ZFPM2: variants seen among roughly 807,000 people sequenced by gnomAD.
The protein encoded by ZFPM2 is zinc finger protein ZFPM2.
A neutral mutation model predicts 98.6 loss-of-function variants in ZFPM2; 20 were observed. The ratio of observed to expected loss-of-function variants is 0.20; its 90% CI spans 0.14 to 0.29. The LOEUF (loss-of-function observed/expected upper bound fraction) is 0.29. Ranked by LOEUF, ZFPM2 falls within the 10% of genes least tolerant of loss-of-function variation. The pLI, the probability that ZFPM2 is intolerant of heterozygous loss-of-function variation, is 1.00. For synonymous variants in ZFPM2, 518 were observed against 502.7 expected (o/e 1.03, Z -0.41); for missense variants, 1,310 against 1,388.6 (o/e 0.94, Z 0.90).
intron 1 of ZFPM2, among the ~76,000 whole-genome samples, chr8:105,401,415 C>T (rs1419979461): frequency 1.3e-5 from 2 of 151,898 alleles, no homozygotes; most frequent in East Asian, 1.9e-4. Context: ...CTTTAAATTG[C>T]GTGTACTTGT....
chr8:105,557,502 T>C (rs895928980), intron 3 of ZFPM2, among the ~76,000 whole-genome samples: 6 of 152,180 alleles, frequency 3.9e-5, no homozygotes, highest in African/African-American at 1.4e-4. Flanking sequence ...TGTGCCTAAG[T>C]GAGATACCTG....
chr8:105,420,000 A>G (rs1811760113), intron 2 of ZFPM2, among the ~76,000 whole-genome samples: 1 of 152,006 alleles, frequency 6.6e-6, no homozygotes, highest in African/African-American at 2.4e-5. Context: ...TGATTCTTAT[A>G]TATTTATTTT....
chr8:105,520,529 G>A (rs1280009848), intron 3 of ZFPM2, among the ~76,000 whole-genome samples: 3 of 151,932 alleles, frequency 2.0e-5, no homozygotes, highest in African/African-American at 7.3e-5. Flanking sequence ...ACACATTGTG[G>A]GTACACGCTC....
chr8:105,395,468 A>T (rs889797425), intron 1 of ZFPM2, among the ~76,000 whole-genome samples: 1 of 152,136 alleles, frequency 6.6e-6, no homozygotes, highest in Non-Finnish European at 1.5e-5. Context: ...TCACAAAATA[A>T]TGTGGGTCCT....
At chr8:105,351,353 T>TTG (rs1472458011) in intron 1 of ZFPM2, among the ~76,000 whole-genome samples, 42 of 74,082 alleles carry the variant, frequency 5.7e-4, no homozygotes, top group African/African-American at 1.7e-3. Context: ...TTGCATTATT[T>TTG]CGTGTGTGTG....
chr8:105,455,337 G>C (rs144933049), intron 3 of ZFPM2, among the ~76,000 whole-genome samples: 191 of 152,200 alleles, frequency 1.3e-3, no homozygotes, highest in African/African-American at 4.1e-3. Flanking sequence ...TGGGAGGGGG[G>C]TTTGAGCAAA....
At chr8:105,644,354 C>T (rs1817001636) in intron 5 of ZFPM2, among the ~76,000 whole-genome samples, 1 of 150,740 alleles carries the variant, frequency 6.6e-6, no homozygotes, top group Admixed American at 6.6e-5. Context: ...CTCCTGGCCT[C>T]AGCTTCTCAA....
chr8:105,445,406 C>A (rs1206486463), intron 3 of ZFPM2, among the ~76,000 whole-genome samples: 2 of 151,724 alleles, frequency 1.3e-5, no homozygotes, highest in Non-Finnish European at 2.9e-5. Context: ...ATTTAAAGTA[C>A]CTTATTACCA....
At chr8:105,399,291 G>T (rs1811287067) in intron 1 of ZFPM2, among the ~76,000 whole-genome samples, 1 of 152,182 alleles carries the variant, frequency 6.6e-6, no homozygotes, top group Non-Finnish European at 1.5e-5. Flanking sequence ...ATGGGTTCCT[G>T]CAGATTAGAA....
chr8:105,532,272 G>A (rs1814312059), intron 3 of ZFPM2, among the ~76,000 whole-genome samples: 1 of 152,008 alleles, frequency 6.6e-6, no homozygotes, highest in African/African-American at 2.4e-5. Context: ...ATTTACAAAA[G>A]GAGTGCCTTA....
chr8:105,389,403 A>C (rs1811066226), intron 1 of ZFPM2, among the ~76,000 whole-genome samples: 1 of 152,156 alleles, frequency 6.6e-6, no homozygotes, highest in African/African-American at 2.4e-5. Context: ...CAGAGGGGGA[A>C]ATAGTGTCAC....
chr8:105,560,208 A>C (rs1260277215), intron 3 of ZFPM2, among the ~76,000 whole-genome samples: 1 of 148,502 alleles, frequency 6.7e-6, no homozygotes, highest in African/African-American at 2.5e-5. Context: ...ATAAGTACTG[A>C]ATATATTCTA....
Position 105,555,624 on chromosome 8 carries a change from A to G in ZFPM2, c.302-5739A>G, listed in dbSNP as rs187171689. On this transcript the variant is annotated intron_variant, in intron 3 of 7. Transcript: ENST00000407775. ...TTATTAAAGAAATTTGTAGATTAAAATGTTTATGTTTCTGTTGAGGTGAAC... is the reference window on the plus strand; with the variant it reads ...TTATTAAAGAAATTTGTAGATTAAAGTGTTTATGTTTCTGTTGAGGTGAAC... Among the ~76,000 whole-genome samples, 635 of 152,314 alleles carry G rather than the reference A, an allele frequency of 4.2e-3. 4 individuals are homozygous for G. Among genetic ancestry groups the G allele is most frequent in the Non-Finnish European group, 6.0e-3 (406 of 68,022 alleles).
At chr8:105,616,652 C>A in intron 4 of ZFPM2, 1 of 364,702 alleles carries the variant, frequency 2.7e-6, no homozygotes, top group Non-Finnish European at 5.4e-6. Flanking sequence ...GCAACAGGTT[C>A]ATATGGTATA....
At chr8:105,585,553 G>C (rs1057144196) in intron 4 of ZFPM2, among the ~76,000 whole-genome samples, 1 of 152,142 alleles carries the variant, frequency 6.6e-6, no homozygotes, top group African/African-American at 2.4e-5. Flanking sequence ...CTAAAGAAGT[G>C]CCAGACACAA....
intron 5 of ZFPM2, among the ~76,000 whole-genome samples, chr8:105,653,854 C>CTTTTTTTTTGTTTTTTTTTTTTT (rs1817230702): frequency 2.8e-5 from 1 of 35,262 alleles, no homozygotes. Context: ...TGTGTGCTAT[C>CTTTTTTTTTGTTTTTTTTTTTTT]TTTTTTTTTT....
At chr8:105,530,159 CT>C (rs1365653032) in intron 3 of ZFPM2, among the ~76,000 whole-genome samples, 1 of 152,118 alleles carries the variant, frequency 6.6e-6, no homozygotes, top group African/African-American at 2.4e-5. Context: ...TCTTTGGCCC[CT>C]GCTATAAAGG....
chr8:105,476,915 TC>T (rs1563676672), intron 3 of ZFPM2, among the ~76,000 whole-genome samples: 2 of 152,098 alleles, frequency 1.3e-5, no homozygotes, highest in Non-Finnish European at 2.9e-5. Flanking sequence ...CAAGGCTTTT[TC>T]GTATTCAATC....
At chr8:105,795,712 A>C in intron 6 of ZFPM2, 1 of 398,140 alleles carries the variant, frequency 2.5e-6, no homozygotes, top group Non-Finnish European at 4.8e-6. Context: ...TTACTTCATA[A>C]AAAAGAAATT....
Sources: allele counts gnomAD v4.1 joint callset (sites outside exome capture counted in the v4.1 genomes callset), GRCh38; gene constraint gnomAD v4.1.1; transcripts MANE v1.5; gene names NCBI Gene and HGNC (gene_info 2026-07-23, HGNC 2026-07-21).